GABRA3: variants seen among roughly 807,000 people sequenced by gnomAD.
The protein encoded by GABRA3 is gamma-aminobutyric acid type A receptor subunit alpha3, also known as gamma-aminobutyric acid receptor subunit alpha-3.
A neutral mutation model predicts 30.1 loss-of-function variants in GABRA3; 10 were observed. The ratio of observed to expected loss-of-function variants is 0.33; its 90% CI spans 0.20 to 0.56. GABRA3 has a LOEUF of 0.56. Among genes scored for constraint, GABRA3 ranks in the 20% least tolerant of loss-of-function variants. The pLI, the probability that GABRA3 is intolerant of heterozygous loss-of-function variation, is 0.89. For missense variants in GABRA3, 233 were observed against 392.0 expected (o/e 0.59, Z 3.42); for synonymous variants, 151 against 146.8 (o/e 1.03, Z -0.21).
At chrX:152,247,589 A>G (rs1448905984) in intron 5 of GABRA3, among the ~76,000 whole-genome samples, 1 of 111,838 alleles carries the variant, frequency 8.9e-6, no homozygotes, top group African/African-American at 3.2e-5. Context: ...GTTAACAATA[A>G]AAATGAAAAC....
intron 1 of GABRA3, among the ~76,000 whole-genome samples, chrX:152,391,988 G>A (rs777517111): frequency 2.7e-5 from 3 of 111,847 alleles, no homozygotes; most frequent in Non-Finnish European, 5.6e-5. Context: ...ACTCTATGAG[G>A]TATTATTATT....
intron 8 of GABRA3, among the ~76,000 whole-genome samples, chrX:152,196,736 C>G (rs768146251): frequency 2.7e-5 from 3 of 112,266 alleles, no homozygotes; most frequent in South Asian, 3.7e-4. Flanking sequence ...TTGAAATACT[C>G]TCCTCACATG....
chrX:152,241,452 CTTT>C (rs1294307842), intron 5 of GABRA3, among the ~76,000 whole-genome samples: 1 of 106,389 alleles, frequency 9.4e-6, no homozygotes, highest in Non-Finnish European at 2.0e-5. Flanking sequence ...TTACTGCTGT[CTTT>C]TTGTTTCTCT....
In GABRA3 at chrX:152,340,356, C is replaced by A. The variant is rs1940296313; in HGVS notation, c.262+5225G>T. Among the ~76,000 whole-genome samples, 3 of 111,909 alleles carry A rather than the reference C, an allele frequency of 2.7e-5. No homozygotes were observed. The South Asian group carries it at 1.1e-3, about 41-fold the overall frequency. Reference sequence around the variant, plus strand: ...ACACAATACATGGTTATTATTTTTGCTTTAAGTATTTACTTATCATTTGGT... The same window carrying A: ...ACACAATACATGGTTATTATTTTTGATTTAAGTATTTACTTATCATTTGGT... On this transcript the variant is annotated intron_variant, in intron 3 of 9. Transcript: ENST00000370314.
At chrX:152,222,582 G>A (rs1206989045) in intron 6 of GABRA3, among the ~76,000 whole-genome samples, 1 of 108,898 alleles carries the variant, frequency 9.2e-6, no homozygotes, top group African/African-American at 3.3e-5. Context: ...TTAAAACTTG[G>A]TTTTAGGTCT....
At chrX:152,291,558 A>C (rs1039563000) in intron 3 of GABRA3, among the ~76,000 whole-genome samples, 1 of 111,448 alleles carries the variant, frequency 9.0e-6, no homozygotes, top group African/African-American at 3.3e-5. Flanking sequence ...GTTGAATAGG[A>C]GTGGTGGGAG....
In GABRA3 at chrX:152,430,798, A is replaced by G. The variant is rs766563992; in HGVS notation, c.-27+20348T>C. On this transcript the variant is annotated intron_variant, in intron 1 of 9. Coordinates refer to ENST00000370314, the MANE Select transcript of GABRA3 (RefSeq NM_000808.4). ...GTTGAAGATATCTTCCAAAATATAC[A>G]GCATTTAGACAATGAGATGGACAAT... 3.6e-4 allele frequency among the ~76,000 whole-genome samples: 40 copies of G among 111,731 alleles called. 1 individual carries two copies. The highest frequency in any genetic ancestry group is 6.8e-4 in the Non-Finnish European group (36 of 53,155).
rs188119323 is a variant in GABRA3, at chrX:152,223,899, C to T, written c.634+864G>A. On this transcript the variant is annotated intron_variant, in intron 6 of 9. Coordinates refer to ENST00000370314, the MANE Select transcript of GABRA3 (RefSeq NM_000808.4). ...CATTATTTTATCTTTCACTGCCACT[C>T]GTCTCTCTATAATATAGCTCCAAAA... Among the ~76,000 whole-genome samples, 15 of 110,835 alleles carry T rather than the reference C, an allele frequency of 1.4e-4. No individual in the cohort carries two copies. The East Asian group carries it at 1.4e-3, about 11-fold the overall frequency.
At chrX:152,169,185 A>C (rs1936973165) in intron 9 of GABRA3, among the ~76,000 whole-genome samples, 1 of 112,550 alleles carries the variant, frequency 8.9e-6, no homozygotes, top group Non-Finnish European at 1.9e-5. Context: ...TCCTGTGAGG[A>C]AGAGAGCTTG....
intron 3 of GABRA3, among the ~76,000 whole-genome samples, chrX:152,319,518 A>G (rs1461841808): frequency 8.9e-6 from 1 of 112,080 alleles, no homozygotes; most frequent in Non-Finnish European, 1.9e-5. Context: ...GACAACTGGC[A>G]AGCCACATGT....
intron 5 of GABRA3, among the ~76,000 whole-genome samples, chrX:152,241,008 C>T (rs1288500921): frequency 9.3e-6 from 1 of 108,011 alleles, no homozygotes; most frequent in East Asian, 2.9e-4. Context: ...CAAAGTCATT[C>T]TCCATCCAGC....
chrX:152,409,668 CA>C (rs1233819204), intron 1 of GABRA3, among the ~76,000 whole-genome samples: 2 of 110,578 alleles, frequency 1.8e-5, no homozygotes, highest in African/African-American at 6.6e-5. Context: ...AACTCAATAC[CA>C]AAAAAAATCT....
At chrX:152,419,739 AAT>A (rs1309382188) in intron 1 of GABRA3, among the ~76,000 whole-genome samples, 3 of 111,678 alleles carry the variant, frequency 2.7e-5, no homozygotes, top group Non-Finnish European at 3.8e-5. Flanking sequence ...AAGAAAAAAA[AAT>A]AGTTTTTCAT....
chrX:152,168,091 A>T lies in GABRA3; in HGVS notation c.*137T>A. ...TTATTTTTTGCGTAGAGATTCATAA[A>T]TATGAATTGAGGGTCACAGCTTGGT... is the stretch of plus-strand genomic sequence containing the variant. On this transcript the variant is annotated 3_prime_UTR_variant, in exon 10 of 10. Coordinates refer to ENST00000370314, the MANE Select transcript of GABRA3 (RefSeq NM_000808.4). The T allele has an allele frequency of 2.0e-6, 1 of 489,535 alleles. No homozygotes were observed. The highest frequency in any genetic ancestry group is 3.2e-5 in the South Asian group (1 of 30,972). The allele number at this position is 489,535 out of a possible 1,213,427, so 40.3% of individuals were successfully genotyped here. A position where few individuals can be genotyped will look rare whatever the true frequency, so the allele number is the denominator to read the frequency against.
chrX:152,353,612 T>C (rs1439269087), intron 2 of GABRA3, among the ~76,000 whole-genome samples: 2 of 111,682 alleles, frequency 1.8e-5, no homozygotes, highest in African/African-American at 6.5e-5. Flanking sequence ...AAGACATTTT[T>C]TGACACAAAA....
chrX:152,370,689 T>G (rs1928812132), intron 1 of GABRA3, among the ~76,000 whole-genome samples: 1 of 111,579 alleles, frequency 9.0e-6, no homozygotes, highest in Non-Finnish European at 1.9e-5. Flanking sequence ...TGACCTCTTT[T>G]CCTCCAATGA....
intron 1 of GABRA3, among the ~76,000 whole-genome samples, chrX:152,398,839 A>C (rs1335025565): frequency 8.9e-6 from 1 of 111,977 alleles, no homozygotes; most frequent in Non-Finnish European, 1.9e-5. Flanking sequence ...ACAAGCATGG[A>C]AGAGAATCAG....
intron 5 of GABRA3, among the ~76,000 whole-genome samples, chrX:152,233,296 G>A (rs1370028744): frequency 1.8e-5 from 2 of 110,969 alleles, no homozygotes; most frequent in Non-Finnish European, 3.8e-5. Context: ...TTGCTGTGCA[G>A]AAGCTCTTTA....
chrX:152,337,653 AC>A (rs1425331070), intron 3 of GABRA3, among the ~76,000 whole-genome samples: 4 of 110,591 alleles, frequency 3.6e-5, no homozygotes, highest in African/African-American at 1.3e-4. Flanking sequence ...ACATAGTGAG[AC>A]CCTGTCTCTA....
Sources: allele counts gnomAD v4.1 joint callset (sites outside exome capture counted in the v4.1 genomes callset), GRCh38; gene constraint gnomAD v4.1.1; transcripts MANE v1.5; gene names NCBI Gene and HGNC (gene_info 2026-07-23, HGNC 2026-07-21).